The following PHAF1 variants were observed in gnomAD, a reference collection of about 807,000 sequenced individuals.
PHAF1 encodes phagophore assembly factor 1, also known as phagosome assembly factor 1.
In PHAF1, 23 loss-of-function variants were observed where a neutral mutation model predicts 63.1. The observed-to-expected ratio is 0.36, with a 90% CI of 0.26 to 0.52. The LOEUF (loss-of-function observed/expected upper bound fraction) is 0.52, where lower values mean the gene tolerates loss of function less well. Among genes scored for constraint, PHAF1 ranks in the 20% least tolerant of loss-of-function variants. The pLI, the probability that PHAF1 is intolerant of heterozygous loss-of-function variation, is 0.93. For missense variants in PHAF1, 427 were observed against 517.2 expected (o/e 0.83, Z 1.69); for synonymous variants, 167 against 185.0 (o/e 0.90, Z 0.79).
chr16:67,141,795 C>A (rs1365984542), intron 10 of PHAF1, among the ~76,000 whole-genome samples: 1 of 152,220 alleles, frequency 6.6e-6, no homozygotes, highest in Admixed American at 6.5e-5. Context: ...CTTGGGGACA[C>A]CAAGAACCAC....
At position 67,144,332 on chromosome 16, in the gene PHAF1, G is replaced by A; in HGVS notation, c.918G>A (p.Lys306=). The part of the protein sequence containing the change: ...LFDANTHKVK[K]FVLHTNYPGH... ...ATGCGAATACACACAAAGTGAAGAA[G>A]TTTGTTCTACACACCAATTACCCTG... The change falls in exon 11 of 16, where the codon AAG becomes AAA. Residue 306 remains lysine (K), a synonymous_variant. Coordinates refer to ENST00000219139, the MANE Select transcript of PHAF1 (RefSeq NM_025187.5). 6.2e-7 allele frequency: 1 copy of A among 1,612,418 alleles called. No homozygotes were observed.
At chr16:67,116,763 T>C (rs1962747963) in intron 1 of PHAF1, among the ~76,000 whole-genome samples, 1 of 152,038 alleles carries the variant, frequency 6.6e-6, no homozygotes, top group African/African-American at 2.4e-5. Flanking sequence ...GGTGGGAGTA[T>C]CTCTTGAGCC....
At chr16:67,140,401 C>T (rs569458920) in intron 9 of PHAF1, 110 bp from the exon 10 acceptor site, 6 of 1,029,742 alleles carry the variant, frequency 5.8e-6, no homozygotes, top group Non-Finnish European at 7.3e-6. Context: ...CCCACTCTTG[C>T]TTGTTCCGCA....
intron 6 of PHAF1, 41 bp downstream of exon 6, chr16:67,132,952 G>C: frequency 1.4e-6 from 2 of 1,478,564 alleles, no homozygotes; most frequent in Middle Eastern, 3.5e-4. Flanking sequence ...GTATGTGTCT[G>C]TGGTATGGCT....
At chr16:67,134,321 A>C in intron 7 of PHAF1, 34 bp from the exon 8 acceptor site, 2 of 1,608,404 alleles carry the variant, frequency 1.2e-6, no homozygotes. Flanking sequence ...GGGAGAAAGA[A>C]CCAAGCCTCT....
At position 67,147,362 on chromosome 16, in the gene PHAF1, G is replaced by T; in HGVS notation, c.*231G>T. The T allele has an allele frequency of 1.9e-6, 1 of 525,970 alleles. No homozygotes were observed. 32.6% of individuals were successfully genotyped at this position (525,970 alleles called of 1,614,324 possible). On this transcript the variant is annotated 3_prime_UTR_variant, in exon 16 of 16. Transcript: ENST00000219139. ...GCCAGCAGGGGACACAGACTGCAAAGAGAAGCACAAAGTTTGAGCCTTGAT... is the reference window on the plus strand; with the variant it reads ...GCCAGCAGGGGACACAGACTGCAAATAGAAGCACAAAGTTTGAGCCTTGAT...
intron 1 of PHAF1, among the ~76,000 whole-genome samples, chr16:67,118,074 C>T (rs1962813953): frequency 6.6e-6 from 1 of 150,562 alleles, no homozygotes; most frequent in Non-Finnish European, 1.5e-5. Flanking sequence ...CCTGTCTCAG[C>T]CTCCCAAGTA....
Position 67,109,994 on chromosome 16 carries a change from G to T in PHAF1, c.-182G>T. 2 of 591,660 alleles carry T rather than the reference G, an allele frequency of 3.4e-6. No individual in the cohort carries two copies. Among genetic ancestry groups the T allele is most frequent in the Non-Finnish European group, 5.9e-6 (2 of 339,514 alleles). The allele number at this position is 591,660 out of a possible 1,614,324, so 36.7% of individuals were successfully genotyped here. A position where few individuals can be genotyped will look rare whatever the true frequency, so the allele number is the denominator to read the frequency against. ...CCGCTGCCGCGGCTGCTGCAGGTGA[G>T]GTGAAGTGAGGTGAGGTGTGGTGTT... On this transcript the variant is annotated 5_prime_UTR_variant, in exon 1 of 16. The change creates a new upstream start codon in the 5' untranslated region. Transcript: ENST00000219139.
chr16:67,143,456 A>C (rs182592162), intron 10 of PHAF1, among the ~76,000 whole-genome samples: 2 of 152,260 alleles, frequency 1.3e-5, no homozygotes, highest in African/African-American at 4.8e-5. Flanking sequence ...GGCCTCCCAA[A>C]GTCCTGAGTC....
intron 8 of PHAF1, among the ~76,000 whole-genome samples, chr16:67,136,554 CTTTTTTTTT>C (rs34174571): frequency 1.8e-4 from 11 of 60,492 alleles, no homozygotes; most frequent in African/African-American, 6.8e-4. Context: ...GCATTGATTC[CTTTTTTTTT>C]TTTTTTTTTT....
intron 1 of PHAF1, 147 bp from the exon 2 acceptor site, chr16:67,119,965 T>C: frequency 1.6e-6 from 1 of 611,140 alleles, no homozygotes; most frequent in Non-Finnish European, 2.9e-6. Context: ...TACTGCTTAT[T>C]GAACTCTTAT....
chr16:67,141,730 G>C (rs1395201459), intron 10 of PHAF1, among the ~76,000 whole-genome samples: 1 of 152,222 alleles, frequency 6.6e-6, no homozygotes, highest in African/African-American at 2.4e-5. Context: ...ACCGCAAGCG[G>C]CTTCCATTGC....
rs776727335 is a variant in PHAF1, at chr16:67,134,438, C to T, written c.632C>T (p.Ala211Val). 1.3e-5 allele frequency: 21 copies of T among 1,613,404 alleles called. No individual in the cohort carries two copies. The highest frequency in any genetic ancestry group is 1.7e-5 in the Admixed American group (1 of 59,958). Residue 211 changes from alanine to valine, a missense_variant, in exon 8 of 16, where the codon GCA becomes GTA. By Grantham distance (64) the Ala-to-Val change is moderately conservative. Coordinates refer to ENST00000219139, the MANE Select transcript of PHAF1 (RefSeq NM_025187.5). ...VDVLRDGTGP[A>V]GLRLRLLAAG... ...GTTCTTCGAGATGGAACTGGACCTGCAGGTTTACGACTTCGCCTACTTGCT... is the reference window on the plus strand; with the variant it reads ...GTTCTTCGAGATGGAACTGGACCTGTAGGTTTACGACTTCGCCTACTTGCT...
Position 67,147,070 on chromosome 16 carries a change from C to T in PHAF1, c.1208C>T (p.Ser403Leu), listed in dbSNP as rs1220424237. ...GTCATGCAGAACAACCACATTGCCT[C>T]GGTGACCCTGTATGGCCCCCCCAGG... ...FEVMQNNHIA[S>L]VTLYGPPRPG... The change falls in exon 16 of 16, where the codon TCG (serine) becomes TTG (leucine). Residue 403 changes from serine (S) to leucine (L), a missense_variant. Ser to Leu is a moderately radical substitution (Grantham distance 145, BLOSUM62 -2). Coordinates refer to ENST00000219139, the MANE Select transcript of PHAF1 (RefSeq NM_025187.5). The T allele has an allele frequency of 1.2e-5, 19 of 1,613,956 alleles. No individual in the cohort carries two copies. Among genetic ancestry groups the T allele is most frequent in the Non-Finnish European group, 1.6e-5 (19 of 1,179,986 alleles).
chr16:67,110,002 G>A lies in PHAF1; in HGVS notation c.-174G>A, dbSNP rs1477173970. On this transcript the variant is annotated 5_prime_UTR_variant, in exon 1 of 16. Transcript: ENST00000219139. ...GCGGCTGCTGCAGGTGAGGTGAAGT[G>A]AGGTGAGGTGTGGTGTTGGGCCGGT... The A allele has an allele frequency of 4.8e-6, 3 of 621,332 alleles. No individual in the cohort carries two copies. The African/African-American group carries it at 5.6e-5, about 12-fold the overall frequency. The allele number at this position is 621,332 out of a possible 1,614,324, so 38.5% of individuals were successfully genotyped here. A position where few individuals can be genotyped will look rare whatever the true frequency, so the allele number is the denominator to read the frequency against.
At chr16:67,121,437 C>T (rs545059157) in intron 2 of PHAF1, among the ~76,000 whole-genome samples, 31 of 150,268 alleles carry the variant, frequency 2.1e-4, no homozygotes, top group Non-Finnish European at 3.1e-4. Flanking sequence ...CTCCTGACCT[C>T]GTGATCTGCC....
At chr16:67,114,601 G>A (rs1962664224) in intron 1 of PHAF1, among the ~76,000 whole-genome samples, 1 of 151,786 alleles carries the variant, frequency 6.6e-6, no homozygotes, top group Non-Finnish European at 1.5e-5. Flanking sequence ...GGTAGATGAT[G>A]TGTGCAGGGA....
chr16:67,146,229 A>C (rs989905675), intron 14 of PHAF1, 49 bp from the exon 15 acceptor site: 5 of 1,538,262 alleles, frequency 3.3e-6, no homozygotes, highest in Non-Finnish European at 4.5e-6. Context: ...CCTTGCTTTA[A>C]GGCCGTGGCC....
At chr16:67,139,895 G>C in intron 8 of PHAF1, 89 bp from the exon 9 acceptor site, 2 of 1,472,636 alleles carry the variant, frequency 1.4e-6, no homozygotes, top group Non-Finnish European at 1.9e-6. Context: ...TAATAATGTA[G>C]CATGCAGCCA....
Sources: gnomAD v4.1 joint callset for allele counts (sites outside exome capture counted in the v4.1 genomes callset) on GRCh38, gnomAD v4.1.1 for gene constraint, MANE v1.5 for transcripts, NCBI Gene and HGNC (gene_info 2026-07-23, HGNC 2026-07-21) for gene names.